The following ERC2 variants were observed in gnomAD, a reference collection of about 807,000 sequenced individuals.
The protein encoded by ERC2 is ERC protein 2.
A neutral mutation model predicts 114.8 loss-of-function variants in ERC2; 42 were observed. That is an observed-to-expected ratio of 0.37 (90% CI 0.29 to 0.47). The LOEUF is 0.47. Among genes scored for constraint, ERC2 ranks in the 20% least tolerant of loss-of-function variants. ERC2 has a pLI of 0.99. For synonymous variants in ERC2, 454 were observed against 425.5 expected, an observed-to-expected ratio of 1.07 and a Z score of -0.82; for missense variants, 939 against 1,150.7, an observed-to-expected ratio of 0.82 and a Z score of 2.66.
intron 13 of ERC2, among the ~76,000 whole-genome samples, chr3:55,939,010 T>G (rs1477490644): frequency 6.6e-6 from 1 of 152,210 alleles, no homozygotes; most frequent in East Asian, 1.9e-4. Context: ...TAATTAGAAA[T>G]CAATGTGGAT....
At chr3:55,688,420 G>A (rs920413262) in intron 16 of ERC2, among the ~76,000 whole-genome samples, 1 of 152,094 alleles carries the variant, frequency 6.6e-6, no homozygotes, top group African/African-American at 2.4e-5. Context: ...GGGAGCCAGG[G>A]TCAAATTCCA....
At chr3:55,587,974 A>T (rs750069763) in intron 17 of ERC2, among the ~76,000 whole-genome samples, 9 of 152,148 alleles carry the variant, frequency 5.9e-5, no homozygotes, top group Non-Finnish European at 1.0e-4. Flanking sequence ...AAAAATAAAT[A>T]TCATTGCCTA....
chr3:56,024,903 T>C (rs1280471304), intron 7 of ERC2, among the ~76,000 whole-genome samples: 1 of 152,204 alleles, frequency 6.6e-6, no homozygotes, highest in Non-Finnish European at 1.5e-5. Flanking sequence ...ACAAGATAAC[T>C]ACAGAAATCA....
At chr3:55,984,476 G>T (rs2070426718) in intron 12 of ERC2, among the ~76,000 whole-genome samples, 1 of 152,120 alleles carries the variant, frequency 6.6e-6, no homozygotes, top group African/African-American at 2.4e-5. Context: ...AAGGCAAAAG[G>T]AGGGGGATAC....
chr3:56,090,567 C>G (rs1050832180), intron 6 of ERC2, among the ~76,000 whole-genome samples: 1 of 151,736 alleles, frequency 6.6e-6, no homozygotes, highest in African/African-American at 2.4e-5. Flanking sequence ...TGGAGTAAAA[C>G]AGATATAAAC....
At chr3:56,097,897 G>A (rs188851932) in intron 6 of ERC2, among the ~76,000 whole-genome samples, 2 of 152,274 alleles carry the variant, frequency 1.3e-5, no homozygotes, top group East Asian at 3.9e-4. Context: ...CATTCTAAGA[G>A]GGAGATACAG....
At chr3:56,400,789 C>T (rs755603487) in intron 2 of ERC2, among the ~76,000 whole-genome samples, 1 of 152,140 alleles carries the variant, frequency 6.6e-6, no homozygotes, top group Non-Finnish European at 1.5e-5. Flanking sequence ...TAGTCTGATA[C>T]GTAAGTGGAA....
At chr3:56,057,381 A>G (rs1169189984) in intron 7 of ERC2, among the ~76,000 whole-genome samples, 1 of 152,074 alleles carries the variant, frequency 6.6e-6, no homozygotes. Flanking sequence ...CTTTCTTGTA[A>G]TGTGTCAGCA....
At chr3:55,550,026 T>C (rs183893272) in intron 17 of ERC2, among the ~76,000 whole-genome samples, 1 of 151,700 alleles carries the variant, frequency 6.6e-6, no homozygotes, top group East Asian at 2.0e-4. Flanking sequence ...TTACTGCACA[T>C]TGTCTGGACC....
At chr3:56,256,769 T>C (rs180718206) in intron 3 of ERC2, among the ~76,000 whole-genome samples, 5 of 152,258 alleles carry the variant, frequency 3.3e-5, no homozygotes, top group Non-Finnish European at 7.4e-5. Flanking sequence ...TCTCATGAGA[T>C]CTGATGGTTT....
chr3:56,120,316 G>C (rs146411997), intron 6 of ERC2, among the ~76,000 whole-genome samples: 248 of 152,228 alleles, frequency 1.6e-3, no homozygotes, highest in African/African-American at 5.2e-3. Context: ...AACCCACTTG[G>C]ACCCTATCAC....
chr3:55,664,734 T>TG (rs1408766629), intron 17 of ERC2, among the ~76,000 whole-genome samples: 1 of 152,176 alleles, frequency 6.6e-6, no homozygotes, highest in Non-Finnish European at 1.5e-5. Flanking sequence ...CAGGCGAGGT[T>TG]GTGGGGAAAC....
At chr3:55,709,223 A>G (rs1160263049) in intron 15 of ERC2, among the ~76,000 whole-genome samples, 1 of 152,150 alleles carries the variant, frequency 6.6e-6, no homozygotes, top group African/African-American at 2.4e-5. Flanking sequence ...GTTGAGTAAA[A>G]GCCAGCAGCG....
intron 2 of ERC2, among the ~76,000 whole-genome samples, chr3:56,339,747 A>C (rs2058012682): frequency 6.6e-6 from 1 of 151,952 alleles, no homozygotes; most frequent in African/African-American, 2.4e-5. Flanking sequence ...TCTGCCCCGC[A>C]ACTTTCATTT....
At chr3:55,845,159 C>T (rs1349811210) in intron 14 of ERC2, among the ~76,000 whole-genome samples, 2 of 152,124 alleles carry the variant, frequency 1.3e-5, no homozygotes, top group Non-Finnish European at 2.9e-5. Flanking sequence ...CCTAACAGGA[C>T]ATGGATCAGT....
intron 17 of ERC2, among the ~76,000 whole-genome samples, chr3:55,553,761 C>T (rs1195390133): frequency 1.3e-5 from 2 of 151,828 alleles, no homozygotes; most frequent in Non-Finnish European, 2.9e-5. Flanking sequence ...GCCTGGGTGA[C>T]AGAGTGAGAC....
chr3:55,581,046 G>C (rs576612085), intron 17 of ERC2, among the ~76,000 whole-genome samples: 1 of 152,292 alleles, frequency 6.6e-6, no homozygotes, highest in East Asian at 1.9e-4. Flanking sequence ...CAGAGGCCTT[G>C]AGGCAGGAGG....
intron 7 of ERC2, among the ~76,000 whole-genome samples, chr3:56,033,782 C>A (rs532293667): frequency 2.6e-4 from 40 of 152,050 alleles, no homozygotes; most frequent in Non-Finnish European, 4.9e-4. Context: ...TCTCAGCCTA[C>A]AAGATTTCTT....
At chr3:56,225,894 G>A (rs1174442039) in intron 3 of ERC2, among the ~76,000 whole-genome samples, 2 of 151,914 alleles carry the variant, frequency 1.3e-5, no homozygotes, top group Non-Finnish European at 2.9e-5. Context: ...CAGCTCACAG[G>A]GATCCAGCTG....
Sources: gnomAD v4.1 joint callset for allele counts (sites outside exome capture counted in the v4.1 genomes callset) on GRCh38, gnomAD v4.1.1 for gene constraint, MANE v1.5 for transcripts, NCBI Gene and HGNC (gene_info 2026-07-23, HGNC 2026-07-21) for gene names.